The following OR4K1 variants were observed in gnomAD, a reference collection of about 807,000 sequenced individuals.
OR4K1 encodes olfactory receptor 4K1.
A neutral mutation model predicts 14.4 loss-of-function variants in OR4K1; 16 were observed. The observed-to-expected ratio is 1.11, with a 90% confidence interval of 0.75 to 1.68. OR4K1 has a LOEUF of 1.68. OR4K1 is among the 40% of genes most tolerant of loss of function. The pLI is 0.00. For missense variants in OR4K1, 548 were observed against 376.9 expected (o/e 1.45, Z -3.76); for synonymous variants, 181 against 133.1 (o/e 1.36, Z -2.48).
chr14:19,932,048 A>G (rs1882195853), intron 1 of OR4K1, among the ~76,000 whole-genome samples: 1 of 152,190 alleles, frequency 6.6e-6, no homozygotes, highest in Non-Finnish European at 1.5e-5. Flanking sequence ...ATAATGTTGA[A>G]CCTGATCTGT....
At chr14:19,924,482 A>G in the OR4K1 span, among the ~76,000 whole-genome samples, 1 of 150,370 alleles carries the variant, frequency 6.7e-6, no homozygotes, top group Non-Finnish European at 1.5e-5. Flanking sequence ...TTATTTCTTG[A>G]CTTTTTAATA....
chr14:19,921,589 C>A, the OR4K1 span: 1 of 1,600,778 alleles, frequency 6.2e-7, no homozygotes, highest in Non-Finnish European at 8.5e-7. Flanking sequence ...GACAAAACTC[C>A]TTCAAATTCC....
the OR4K1 span, among the ~76,000 whole-genome samples, chr14:19,924,331 C>T: frequency 9.5e-5 from 12 of 125,806 alleles, no homozygotes; most frequent in South Asian, 2.6e-4. Flanking sequence ...ACTTGGGAGG[C>T]GGAGGTTGTG....
At position 19,934,756 on chromosome 14, in the gene OR4K1, C is replaced by T. The variant is rs146352792; in HGVS notation, c.-19-892C>T. ...TGTGATCTCGGCTCACTGCAACCTCCGCCTCCCAGGTTCAAGCAATTCTCC... is the reference window on the plus strand; with the variant it reads ...TGTGATCTCGGCTCACTGCAACCTCTGCCTCCCAGGTTCAAGCAATTCTCC... On this transcript the variant is annotated intron_variant, in intron 1 of 1. Transcript: ENST00000641172. 7.9e-3 allele frequency among the ~76,000 whole-genome samples: 1,196 copies of T among 151,630 alleles called. 8 individuals carry two copies. The highest frequency in any genetic ancestry group is 0.028 in the African/African-American group (1,140 of 41,210).
chr14:19,923,352 T>C, the OR4K1 span, among the ~76,000 whole-genome samples: 63 of 152,248 alleles, frequency 4.1e-4, no homozygotes, highest in Non-Finnish European at 8.7e-4. Flanking sequence ...TTAAGTTCTC[T>C]CATCTCTTAT....
rs199701811 is a variant in OR4K1, at chr14:19,936,495, G to A, written c.829G>A (p.Val277Ile). The change falls in exon 2 of 2, where the codon GTT (valine) becomes ATT (isoleucine). Residue 277 changes from valine (V) to isoleucine (I), a missense_variant. By Grantham distance (29) the Val-to-Ile change is conservative. Transcript: ENST00000641172. ...CAAATTTCTTTCTGTGTTCTACACT[G>A]TTTGTACTCCCTTGTTGAACCCCAT... ...VDKFLSVFYT[V>I]CTPLLNPIIY... is the part of the protein sequence containing the mutation. The A allele has an allele frequency of 1.6e-5, 26 of 1,613,908 alleles. No homozygotes were observed. The Admixed American group carries it at 4.0e-4, about 25-fold the overall frequency.
rs765775238 is a variant in OR4K1, at chr14:19,936,578, T to C, written c.912T>C (p.Arg304=). Residue 304 remains arginine (R), a synonymous_variant, in exon 2 of 2, where the codon CGT becomes CGC. Coordinates refer to ENST00000641172, the MANE Select transcript of OR4K1 (RefSeq NM_001004063.3). ...CAGCCATGTGGAAGCTGAGAAACCG[T>C]CATGTGAACTCCTGGAAAAACTAGG... ...VKAAMWKLRN[R]HVNSWKN 27 of 1,601,764 alleles carry C rather than the reference T, an allele frequency of 1.7e-5. No homozygotes were observed. The highest frequency in any genetic ancestry group is 2.2e-5 in the Non-Finnish European group (26 of 1,175,302).
At chr14:19,933,284 A>AG (rs1457361129) in intron 1 of OR4K1, among the ~76,000 whole-genome samples, 20 of 152,282 alleles carry the variant, frequency 1.3e-4, no homozygotes, top group African/African-American at 3.6e-4. Flanking sequence ...ATTCCATTAA[A>AG]TAACTGCATT....
rs767112148 is a variant in OR4K1, at chr14:19,936,063, A to G, written c.397A>G (p.Ser133Gly). The change falls in exon 2 of 2, where the codon AGT (serine) becomes GGT (glycine). Residue 133 changes from serine to glycine, a missense_variant. Physicochemically the swap from Ser to Gly is moderately conservative, Grantham distance 56 (BLOSUM62 0). Coordinates refer to ENST00000641172, the MANE Select transcript of OR4K1 (RefSeq NM_001004063.3). ...AGCCATATGTAAGCCTCTGCACTAC[A>G]GTACAATTATGAACCGGAGGCTCTG... ...FIAICKPLHY[S>G]TIMNRRLCVI... 3.1e-6 allele frequency: 5 copies of G among 1,614,256 alleles called. No individual in the cohort carries two copies. The South Asian group carries it at 3.3e-5, about 11-fold the overall frequency.
chr14:19,935,751 G>A lies in OR4K1; in HGVS notation c.85G>A (p.Ala29Thr), dbSNP rs567416945. 2.6e-4 allele frequency: 422 copies of A among 1,612,716 alleles called. 1 individual carries two copies. In the South Asian group the frequency reaches 3.2e-3, roughly 12 times the overall value. Reference sequence around the variant, plus strand: ...CTGGGGACTTCAACTTTTCTTTTTTGCCATCTTCTCTATAGTCTATGTGAC... The same window carrying A: ...CTGGGGACTTCAACTTTTCTTTTTTACCATCTTCTCTATAGTCTATGTGAC... ...NSWGLQLFFF[A>T]IFSIVYVTSV... is the part of the protein sequence containing the mutation. The change falls in exon 2 of 2, where the codon GCC becomes ACC. Residue 29 changes from alanine to threonine, a missense_variant. Ala to Thr is a moderately conservative substitution (Grantham distance 58). Transcript: ENST00000641172.
intron 1 of OR4K1, among the ~76,000 whole-genome samples, chr14:19,934,020 T>C (rs964733912): frequency 4.6e-5 from 7 of 152,280 alleles, no homozygotes; most frequent in Admixed American, 6.5e-5. Flanking sequence ...AAACACTTTT[T>C]AATTTGGTTT....
chr14:19,930,908 T>C (rs1882170570), upstream of OR4K1: 1 of 152,264 alleles, frequency 6.6e-6, no homozygotes, highest in Non-Finnish European at 1.5e-5. Context: ...AATTGCTCGG[T>C]TGAGTGCAAG....
chr14:19,921,135 T>A, the OR4K1 span: 1 of 1,614,142 alleles, frequency 6.2e-7, no homozygotes, highest in Non-Finnish European at 8.5e-7. Context: ...AGTAGACAGC[T>A]TTTTTTGTGA....
upstream of OR4K1, among the ~76,000 whole-genome samples, chr14:19,928,770 T>C (rs758707031): frequency 5.3e-5 from 8 of 152,192 alleles, no homozygotes; most frequent in Non-Finnish European, 1.0e-4. Flanking sequence ...TGTCTTATTA[T>C]TGTCATAGAG....
chr14:19,929,018 T>C (rs920579976), upstream of OR4K1, among the ~76,000 whole-genome samples: 1 of 150,588 alleles, frequency 6.6e-6, no homozygotes, highest in Non-Finnish European at 1.5e-5. Context: ...TACATAGCCA[T>C]ATATTTATGG....
the OR4K1 span, chr14:19,921,552 C>T: frequency 1.2e-6 from 2 of 1,612,598 alleles, no homozygotes; most frequent in Admixed American, 1.7e-5. Context: ...TGAAATGTCA[C>T]TAGTAGTGAG....
At position 19,936,537 on chromosome 14, in the gene OR4K1, A is replaced by G; in HGVS notation, c.871A>G (p.Asn291Asp). 2 of 1,612,254 alleles carry G rather than the reference A, an allele frequency of 1.2e-6. No individual in the cohort carries two copies. Among genetic ancestry groups the G allele is most frequent in the African/African-American group, 1.3e-5 (1 of 74,946 alleles). Residue 291 changes from asparagine to aspartate, a missense_variant, in exon 2 of 2, where the codon AAT (asparagine) becomes GAT (aspartate). Transcript: ENST00000641172. Reference sequence around the variant, plus strand: ...GAACCCCATCATCTACTCTCTGAGGAATGAAGATGTTAAAGCAGCCATGTG... The same window carrying G: ...GAACCCCATCATCTACTCTCTGAGGGATGAAGATGTTAAAGCAGCCATGTG... ...LLNPIIYSLR[N>D]EDVKAAMWKL...
At chr14:19,926,649 T>C (rs1370314708), upstream of OR4K1, among the ~76,000 whole-genome samples, 3 of 152,248 alleles carry the variant, frequency 2.0e-5, no homozygotes, top group African/African-American at 7.2e-5. Context: ...AAAAACTGCT[T>C]CATAAATACT....
chr14:19,933,434 C>T (rs745809547), intron 1 of OR4K1, among the ~76,000 whole-genome samples: 82 of 152,178 alleles, frequency 5.4e-4, no homozygotes, highest in South Asian at 1.2e-3. Context: ...TTCAATGTTT[C>T]TTTGCTTCCT....
Sources: gnomAD v4.1 joint callset for allele counts (sites outside exome capture counted in the v4.1 genomes callset) on GRCh38, gnomAD v4.1.1 for gene constraint, MANE v1.5 for transcripts, NCBI Gene and HGNC (gene_info 2026-07-23, HGNC 2026-07-21) for gene names.